The following ARSJ variants were observed in gnomAD, a reference collection of about 807,000 sequenced individuals.
ARSJ encodes arylsulfatase family member J, also known as arylsulfatase J.
ARSJ carries 26 observed loss-of-function variants against 35.9 expected under a neutral mutation model. That is an observed-to-expected ratio of 0.72 (90% confidence interval 0.53 to 1.00). The LOEUF is 1.00. ARSJ is among the 50% of genes least tolerant of loss of function. ARSJ has a pLI of 0.00. For missense variants in ARSJ, 667 were observed against 723.6 expected (o/e 0.92, Z 0.90); for synonymous variants, 294 against 267.6 (o/e 1.10, Z -0.96).
Position 113,902,044 on chromosome 4 carries a change from A to G in ARSJ, c.*230T>C. The G allele has an allele frequency of 7.5e-7, 1 of 1,339,056 alleles. No individual in the cohort carries two copies. The highest frequency in any genetic ancestry group is 2.4e-5 in the Admixed American group (1 of 42,132). 82.9% of individuals were successfully genotyped at this position (1,339,056 alleles called of 1,614,324 possible). On this transcript the variant is annotated 3_prime_UTR_variant, in exon 2 of 2. Transcript: ENST00000315366. Reference sequence around the variant, plus strand: ...CGTTTTCTAAAGGAGCAAGAGAAATAAACATCTCCACTCTCTCTAAGTGTG... The same window carrying G: ...CGTTTTCTAAAGGAGCAAGAGAAATGAACATCTCCACTCTCTCTAAGTGTG...
At position 113,903,119 on chromosome 4, in the gene ARSJ, T is replaced by C; in HGVS notation, c.955A>G (p.Asn319Asp). 1 of 1,614,214 alleles carries C rather than the reference T, an allele frequency of 6.2e-7. No homozygotes were observed. Among genetic ancestry groups the C allele is most frequent in the Non-Finnish European group, 8.5e-7 (1 of 1,180,038 alleles). ...TCTGAAGAGTAAATGATAATGCTGT[T>C]GTTATAGAAACCATAAGTCTTTAGA... ...LALKTYGFYN[N>D]SIIIYSSDNG... The change falls in exon 2 of 2, where the codon AAC (asparagine) becomes GAC (aspartate). Residue 319 changes from asparagine to aspartate, a missense_variant. By Grantham distance (23) the Asn-to-Asp change is conservative (BLOSUM62 1). Transcript: ENST00000315366.
chr4:113,903,214 T>A lies in ARSJ; in HGVS notation c.860A>T (p.Asn287Ile). ...GGCAGCATATCTCCTCCTGTTTATG[T>A]TGATAATGGATCGGTAGTGTTCGAA... ...RYFEHYRSII[N>I]INRRRYAAML... Residue 287 changes from asparagine (N) to isoleucine (I), a missense_variant, in exon 2 of 2, where the codon AAC becomes ATC. Coordinates refer to ENST00000315366, the MANE Select transcript of ARSJ (RefSeq NM_024590.4). 1 of 1,614,238 alleles carries A rather than the reference T, an allele frequency of 6.2e-7. No homozygotes were observed. Among genetic ancestry groups the A allele is most frequent in the Middle Eastern group, 1.6e-4 (1 of 6,062 alleles).
At chr4:113,914,657 C>T (rs1322634605) in intron 1 of ARSJ, among the ~76,000 whole-genome samples, 1 of 152,170 alleles carries the variant, frequency 6.6e-6, no homozygotes, top group African/African-American at 2.4e-5. Flanking sequence ...AGCCATGTGA[C>T]AACAAACTGA....
chr4:113,925,534 A>C (rs1223543807), intron 1 of ARSJ, among the ~76,000 whole-genome samples: 1 of 152,162 alleles, frequency 6.6e-6, no homozygotes, highest in Non-Finnish European at 1.5e-5. Flanking sequence ...TGATTTCAAA[A>C]GGCCACTCCA....
intron 1 of ARSJ, among the ~76,000 whole-genome samples, chr4:113,912,631 A>G (rs1198863242): frequency 6.6e-6 from 1 of 152,148 alleles, no homozygotes; most frequent in Non-Finnish European, 1.5e-5. Context: ...AAAAAAATGT[A>G]TAGGTTCCAT....
chr4:113,943,194 T>A (rs1725264996), intron 1 of ARSJ: 1 of 152,000 alleles, frequency 6.6e-6, no homozygotes, highest in African/African-American at 2.4e-5. Context: ...CTCTTGGGAA[T>A]CATATGTCCT....
chr4:113,969,541 A>G lies in ARSJ; in HGVS notation c.398+8896T>C, dbSNP rs530297007. Among the ~76,000 whole-genome samples, 81 of 152,288 alleles carry G rather than the reference A, an allele frequency of 5.3e-4. No homozygotes were observed. In the South Asian group the frequency reaches 0.016, roughly 30 times the overall value. ...AATTACATAATATGTAAAATTCTCA[A>G]AGTACTTTCACATATGTTATGTCAA... On this transcript the variant is annotated intron_variant, in intron 1 of 1. Transcript: ENST00000315366.
At chr4:113,912,688 A>G (rs1255277196) in intron 1 of ARSJ, among the ~76,000 whole-genome samples, 1 of 152,028 alleles carries the variant, frequency 6.6e-6, no homozygotes, top group Non-Finnish European at 1.5e-5. Context: ...ACCTGAAACA[A>G]TACGTGGCTC....
chr4:113,950,582 G>T (rs1483689567), intron 1 of ARSJ, among the ~76,000 whole-genome samples: 1 of 152,012 alleles, frequency 6.6e-6, no homozygotes, highest in African/African-American at 2.4e-5. Context: ...ATGAGGGAAA[G>T]GGAAGAAAGA....
chr4:113,909,856 T>C (rs185264337), intron 1 of ARSJ, among the ~76,000 whole-genome samples: 2 of 152,156 alleles, frequency 1.3e-5, no homozygotes, highest in South Asian at 4.1e-4. Flanking sequence ...GTAAAGCGTC[T>C]CCATTTAACA....
intron 1 of ARSJ, among the ~76,000 whole-genome samples, chr4:113,947,223 G>C (rs1223645367): frequency 6.6e-6 from 1 of 152,068 alleles, no homozygotes. Context: ...GCTGAGACCT[G>C]TAATCCCAGC....
chr4:113,941,791 G>T (rs1442266863), intron 1 of ARSJ, among the ~76,000 whole-genome samples: 1 of 151,952 alleles, frequency 6.6e-6, no homozygotes, highest in East Asian at 1.9e-4. Context: ...AAGTTAAGAT[G>T]CAACAATTCA....
intron 1 of ARSJ, among the ~76,000 whole-genome samples, chr4:113,939,040 C>G (rs1489580096): frequency 6.7e-6 from 1 of 149,522 alleles, no homozygotes; most frequent in Non-Finnish European, 1.5e-5. Flanking sequence ...TTAGGTATAT[C>G]TCCTAATGCT....
chr4:113,927,156 C>T (rs1724123518), intron 1 of ARSJ, among the ~76,000 whole-genome samples: 1 of 152,096 alleles, frequency 6.6e-6, no homozygotes, highest in South Asian at 2.1e-4. Flanking sequence ...CCAAATAGGC[C>T]CACTAGGCAT....
chr4:113,940,109 C>T lies in ARSJ; in HGVS notation c.399-36434G>A, dbSNP rs181572741. On this transcript the variant is annotated intron_variant, in intron 1 of 1. Transcript: ENST00000315366. The stretch of plus-strand genomic sequence containing the variant: ...TTTCTTAAAGACCTAGAGCCAAAAA[C>T]ACCATTTGCCCCAGCAATTTCATTG... Among the ~76,000 whole-genome samples the T allele has an allele frequency of 5.1e-4, 78 of 152,160 alleles. 1 individual carries two copies. The highest frequency in any genetic ancestry group is 1.6e-3 in the African/African-American group (65 of 41,548).
At chr4:113,965,334 T>C (rs1335939462) in intron 1 of ARSJ, among the ~76,000 whole-genome samples, 3 of 152,112 alleles carry the variant, frequency 2.0e-5, no homozygotes, top group African/African-American at 7.2e-5. Context: ...AAAAGATATT[T>C]ATTGTTTTCT....
In ARSJ at chr4:113,940,179, T is replaced by C. The variant is rs1053903993; in HGVS notation, c.399-36504A>G. Among the ~76,000 whole-genome samples the C allele has an allele frequency of 7.2e-5, 11 of 152,190 alleles. No homozygotes were observed. The East Asian group carries it at 7.7e-4, about 11-fold the overall frequency. On this transcript the variant is annotated intron_variant, in intron 1 of 1. Transcript: ENST00000315366. ...AATATAAATCATTCTGTTATAAAGA[T>C]ACATGCTTGCATATGCTCACTGCAA...
chr4:113,947,233 C>A (rs141777213), intron 1 of ARSJ, among the ~76,000 whole-genome samples: 2,045 of 152,132 alleles, frequency 0.013, 46 homozygotes, highest in African/African-American at 0.045. Flanking sequence ...GTAATCCCAG[C>A]ACATTGGGAA....
At chr4:113,955,480 C>A (rs1726121000) in intron 1 of ARSJ, among the ~76,000 whole-genome samples, 1 of 151,486 alleles carries the variant, frequency 6.6e-6, no homozygotes, top group African/African-American at 2.4e-5. Context: ...AGCCCAGGTT[C>A]CATGCCATCT....
Sources: allele counts gnomAD v4.1 joint callset (sites outside exome capture counted in the v4.1 genomes callset), GRCh38; gene constraint gnomAD v4.1.1; transcripts MANE v1.5; gene names NCBI Gene and HGNC (gene_info 2026-07-23, HGNC 2026-07-21).